Variants in NEGR1 observed in about 807,000 individuals in gnomAD.
The protein encoded by NEGR1 is IgLON family member 4.
Under a neutral mutation model 40.9 loss-of-function variants are expected in NEGR1, and 10 were observed. The observed-to-expected ratio is 0.24, with a 90% CI of 0.15 to 0.42. The LOEUF is 0.42. Ranked by LOEUF, NEGR1 falls within the 10% of genes least tolerant of loss-of-function variation. The pLI, the probability that NEGR1 is intolerant of heterozygous loss-of-function variation, is 1.00. For synonymous variants in NEGR1, 185 were observed against 166.8 expected (o/e 1.11, Z -0.84); for missense variants, 352 against 438.9 (o/e 0.80, Z 1.77).
chr1:71,534,918 T>A (rs1647466742), intron 6 of NEGR1, among the ~76,000 whole-genome samples: 1 of 151,598 alleles, frequency 6.6e-6, no homozygotes, highest in Non-Finnish European at 1.5e-5. Flanking sequence ...AAAAATTATA[T>A]CAGAGAAATG....
chr1:71,707,901 C>G (rs1180125822), intron 3 of NEGR1, among the ~76,000 whole-genome samples: 1 of 152,126 alleles, frequency 6.6e-6, no homozygotes, highest in Non-Finnish European at 1.5e-5. Context: ...CCAAGACCAT[C>G]AAGGCAATTC....
chr1:71,912,510 A>T (rs1661446023), intron 2 of NEGR1, among the ~76,000 whole-genome samples: 2 of 152,212 alleles, frequency 1.3e-5, no homozygotes, highest in African/African-American at 4.8e-5. Context: ...AGGAATTAGG[A>T]CATGACATCT....
chr1:71,763,136 C>T (rs1265515898), intron 3 of NEGR1, among the ~76,000 whole-genome samples: 1 of 152,090 alleles, frequency 6.6e-6, no homozygotes, highest in Non-Finnish European at 1.5e-5. Flanking sequence ...GATTTTGGTT[C>T]TGGCTACATG....
chr1:71,985,016 G>A (rs1330008390), intron 1 of NEGR1, among the ~76,000 whole-genome samples: 1 of 152,016 alleles, frequency 6.6e-6, no homozygotes, highest in Non-Finnish European at 1.5e-5. Context: ...GGAACTTGAG[G>A]CAAAAAGAAG....
chr1:71,987,429 T>C (rs1315350559), intron 1 of NEGR1, among the ~76,000 whole-genome samples: 1 of 151,298 alleles, frequency 6.6e-6, no homozygotes, highest in Non-Finnish European at 1.5e-5. Flanking sequence ...GTGGAAGGGG[T>C]AGGTGAAGGG....
rs545043851 is a variant in NEGR1, at chr1:71,521,540, T to C, written c.940+71277A>G. Among the ~76,000 whole-genome samples the C allele has an allele frequency of 1.8e-4, 28 of 152,172 alleles. 1 individual carries two copies. The South Asian group carries it at 5.8e-3, about 32-fold the overall frequency. On this transcript the variant is annotated intron_variant, in intron 6 of 6. Coordinates refer to ENST00000357731, the MANE Select transcript of NEGR1 (RefSeq NM_173808.3). ...TCCTAATCACACTCTACTATATTTCTTGAGTACATCATCCTATCTCACTCA... is the reference window on the plus strand; with the variant it reads ...TCCTAATCACACTCTACTATATTTCCTGAGTACATCATCCTATCTCACTCA...
chr1:71,575,122 T>G (rs772257084), intron 6 of NEGR1, among the ~76,000 whole-genome samples: 5 of 152,160 alleles, frequency 3.3e-5, no homozygotes, highest in African/African-American at 4.8e-5. Flanking sequence ...TGCTAGCTGA[T>G]CTACAGAGAG....
In NEGR1 at chr1:71,404,887, A is replaced by C. The variant is rs890161214; in HGVS notation, c.*2559T>G. ...GACATTTTATATGTCCATAAATGTAAAATCATCTACTTGAACATTATATGC... is the reference window on the plus strand; with the variant it reads ...GACATTTTATATGTCCATAAATGTACAATCATCTACTTGAACATTATATGC... On this transcript the variant is annotated 3_prime_UTR_variant, in exon 7 of 7. Coordinates refer to ENST00000357731, the MANE Select transcript of NEGR1 (RefSeq NM_173808.3). The C allele has an allele frequency of 3.3e-5, 5 of 152,204 alleles. No individual in the cohort carries two copies. The highest frequency in any genetic ancestry group is 1.2e-4 in the African/African-American group (5 of 41,418). The allele number at this position is 152,204 out of a possible 1,614,324, so 9.4% of individuals were successfully genotyped here.
At position 72,129,969 on chromosome 1, in the gene NEGR1, A is replaced by C. The variant is rs974759219; in HGVS notation, c.176+152350T>G. Among the ~76,000 whole-genome samples the C allele has an allele frequency of 5.5e-4, 84 of 152,152 alleles. 1 individual carries two copies. The highest frequency in any genetic ancestry group is 2.0e-3 in the African/African-American group (83 of 41,434). ...ACTGCTATTCAGTACCCTTGCTTTGAGAGTTTCACCCCCTAGATACACTTC... is the reference window on the plus strand; with the variant it reads ...ACTGCTATTCAGTACCCTTGCTTTGCGAGTTTCACCCCCTAGATACACTTC... On this transcript the variant is annotated intron_variant, in intron 1 of 6. Transcript: ENST00000357731.
intron 2 of NEGR1, among the ~76,000 whole-genome samples, chr1:71,925,526 G>T (rs1298640402): frequency 2.0e-5 from 3 of 152,090 alleles, no homozygotes; most frequent in African/African-American, 4.8e-5. Context: ...TTTCTTGTTG[G>T]TGCTACATAT....
intron 2 of NEGR1, among the ~76,000 whole-genome samples, chr1:71,917,657 A>C (rs1661622929): frequency 6.6e-6 from 1 of 151,584 alleles, no homozygotes; most frequent in South Asian, 2.1e-4. Context: ...GGGCGCCTGT[A>C]GTCGCCAGCT....
At chr1:72,184,355 G>A (rs1028220946) in intron 1 of NEGR1, among the ~76,000 whole-genome samples, 8 of 152,150 alleles carry the variant, frequency 5.3e-5, no homozygotes, top group South Asian at 2.1e-4. Flanking sequence ...AAGACATTTC[G>A]CAAAGGAGGT....
At chr1:72,072,702 T>C (rs1374875966) in intron 1 of NEGR1, among the ~76,000 whole-genome samples, 1 of 151,988 alleles carries the variant, frequency 6.6e-6, no homozygotes, top group Non-Finnish European at 1.5e-5. Flanking sequence ...GAGAGTCTTC[T>C]GGCTAGCAAA....
At chr1:72,067,934 T>C (rs1450946189) in intron 1 of NEGR1, among the ~76,000 whole-genome samples, 1 of 152,186 alleles carries the variant, frequency 6.6e-6, no homozygotes, top group African/African-American at 2.4e-5. Flanking sequence ...ATCTTATTTA[T>C]AGGCTTTGGT....
intron 2 of NEGR1, among the ~76,000 whole-genome samples, chr1:71,854,733 T>C (rs1659709302): frequency 6.6e-6 from 1 of 152,004 alleles, no homozygotes; most frequent in South Asian, 2.1e-4. Context: ...GAATCGGCGC[T>C]GAGCAAAGGG....
chr1:72,183,379 A>C (rs1652464081), intron 1 of NEGR1, among the ~76,000 whole-genome samples: 1 of 152,122 alleles, frequency 6.6e-6, no homozygotes, highest in Non-Finnish European at 1.5e-5. Context: ...AGCCAGGCAA[A>C]GACTGCCTAA....
intron 2 of NEGR1, among the ~76,000 whole-genome samples, chr1:71,850,006 G>A (rs2101811578): frequency 6.6e-6 from 1 of 152,106 alleles, no homozygotes; most frequent in Admixed American, 6.6e-5. Context: ...GAAACAAACT[G>A]GCAATGTCTC....
intron 1 of NEGR1, among the ~76,000 whole-genome samples, chr1:72,210,608 C>T (rs978102475): frequency 6.6e-6 from 1 of 151,878 alleles, no homozygotes. Context: ...ATTTGAATTT[C>T]TGACATCTTG....
chr1:71,728,773 C>T (rs143709705), intron 3 of NEGR1, among the ~76,000 whole-genome samples: 166 of 152,230 alleles, frequency 1.1e-3, no homozygotes, highest in Admixed American at 1.8e-3. Flanking sequence ...CAGAGTTATA[C>T]AAGGTATGTG....
Sources: allele counts gnomAD v4.1 joint callset (sites outside exome capture counted in the v4.1 genomes callset), GRCh38; gene constraint gnomAD v4.1.1; transcripts MANE v1.5; gene names NCBI Gene and HGNC (gene_info 2026-07-23, HGNC 2026-07-21).